The following TENT4B variants were observed in gnomAD, a reference collection of about 807,000 sequenced individuals.
The protein encoded by TENT4B is terminal nucleotidyltransferase 4B, also known as PAP associated domain containing 5.
A neutral mutation model predicts 75.0 loss-of-function variants in TENT4B; 10 were observed. That is an observed-to-expected ratio of 0.13 (90% CI 0.08 to 0.23). TENT4B has a LOEUF of 0.23. Ranked by LOEUF, TENT4B falls within the 10% of genes least tolerant of loss-of-function variation. The probability of loss-of-function intolerance (pLI) is 1.00; values close to 1 mark genes in which losing one functional copy is unlikely to be tolerated. For missense variants in TENT4B, 579 were observed against 893.8 expected, an observed-to-expected ratio of 0.65 and a Z score of 4.49; for synonymous variants, 350 against 357.7, an observed-to-expected ratio of 0.98 and a Z score of 0.24.
intron 1 of TENT4B, among the ~76,000 whole-genome samples, chr16:50,164,698 G>A (rs995973570): frequency 4.6e-5 from 7 of 152,012 alleles, no homozygotes; most frequent in Non-Finnish European, 7.4e-5. Context: ...TCTTCTTTGG[G>A]AGAAGGGCAT....
At chr16:50,217,127 T>C (rs1046062269) in intron 4 of TENT4B, among the ~76,000 whole-genome samples, 2 of 152,186 alleles carry the variant, frequency 1.3e-5, no homozygotes, top group Non-Finnish European at 2.9e-5. Context: ...CTCCAAATTA[T>C]TGAGGAAGGT....
chr16:50,197,299 T>G (rs963704581), intron 1 of TENT4B, among the ~76,000 whole-genome samples: 5 of 152,170 alleles, frequency 3.3e-5, no homozygotes, highest in Non-Finnish European at 7.4e-5. Flanking sequence ...AAATTTAAGT[T>G]TTTTTTGGAG....
Position 50,224,715 on chromosome 16 carries a change from T to C in TENT4B, c.1440T>C (p.Tyr480=), listed in dbSNP as rs1391360733. 6.2e-7 allele frequency: 1 copy of C among 1,613,946 alleles called. No homozygotes were observed. Among genetic ancestry groups the C allele is most frequent in the Non-Finnish European group, 8.5e-7 (1 of 1,179,896 alleles). Residue 480 remains tyrosine (Y), a synonymous_variant, in exon 8 of 12, where the codon TAT becomes TAC. Coordinates refer to ENST00000561678, the MANE Select transcript of TENT4B (RefSeq NM_001365324.3). ...GAMQVKQAFD[Y]AYVVLSHAVS... ...TGCAAGTGAAGCAGGCCTTTGATTA[T>C]GCCTACGTTGTTTTGAGTCATGCTG...
chr16:50,233,859 TGA>T lies in TENT4B; in HGVS notation c.*4536_*4537del. 4.1e-6 allele frequency: 4 copies of T among 985,484 alleles called. No individual in the cohort carries two copies. The highest frequency in any genetic ancestry group is 4.8e-6 in the Non-Finnish European group (4 of 829,938). 61.0% of individuals were successfully genotyped at this position (985,484 alleles called of 1,614,324 possible). A position where few individuals can be genotyped will look rare whatever the true frequency, so the allele number is the denominator to read the frequency against. On this transcript the variant is annotated 3_prime_UTR_variant, in exon 12 of 12. Transcript: ENST00000561678. ...CATTTGTGGTAGCTCCTGGATTTAC[TGA>T]GAGATATTTTAGCTATGTCAATAAG...
chr16:50,170,296 G>C (rs150568827), intron 1 of TENT4B, among the ~76,000 whole-genome samples: 3 of 152,010 alleles, frequency 2.0e-5, no homozygotes, highest in Non-Finnish European at 4.4e-5. Context: ...TGGGATTACA[G>C]GCGTGAGCCA....
intron 1 of TENT4B, among the ~76,000 whole-genome samples, chr16:50,155,270 TGG>T (rs200756619): frequency 7.0e-5 from 9 of 127,688 alleles, no homozygotes; most frequent in Non-Finnish European, 1.1e-4. Context: ...TTGGGTCTCG[TGG>T]GTGTGTGTGT....
intron 10 of TENT4B, among the ~76,000 whole-genome samples, chr16:50,225,896 C>G (rs2032029243): frequency 6.6e-6 from 1 of 151,888 alleles, no homozygotes; most frequent in South Asian, 2.1e-4. Flanking sequence ...GTTGGTCAGG[C>G]TGGTCCTGAA....
At chr16:50,158,983 A>G (rs1312941371) in intron 1 of TENT4B, among the ~76,000 whole-genome samples, 3 of 152,092 alleles carry the variant, frequency 2.0e-5, no homozygotes, top group African/African-American at 7.2e-5. Flanking sequence ...CAGAAGGACT[A>G]TTGGTTTGGG....
chr16:50,173,972 G>A (rs368811412), intron 1 of TENT4B, among the ~76,000 whole-genome samples: 2 of 152,306 alleles, frequency 1.3e-5, no homozygotes, highest in African/African-American at 4.8e-5. Flanking sequence ...GGGATTACAG[G>A]CGTGAGCCAC....
intron 1 of TENT4B, among the ~76,000 whole-genome samples, chr16:50,206,080 A>G (rs986186709): frequency 1.3e-5 from 2 of 152,186 alleles, no homozygotes; most frequent in South Asian, 4.1e-4. Flanking sequence ...GTTGATGGAC[A>G]TTGATATCAT....
Position 50,230,734 on chromosome 16 carries a change from C to T in TENT4B, c.*1406C>T. 1 of 985,668 alleles carries T rather than the reference C, an allele frequency of 1.0e-6. No homozygotes were observed. Among genetic ancestry groups the T allele is most frequent in the Non-Finnish European group, 1.2e-6 (1 of 829,854 alleles). 61.1% of individuals were successfully genotyped at this position (985,668 alleles called of 1,614,324 possible). On this transcript the variant is annotated 3_prime_UTR_variant, in exon 12 of 12. Coordinates refer to ENST00000561678, the MANE Select transcript of TENT4B (RefSeq NM_001365324.3). ...TTTTGGTTGTAGTCAGCTTTGAGTG[C>T]AATGAGATGTATAATTCTGTTATCA...
intron 3 of TENT4B, among the ~76,000 whole-genome samples, chr16:50,215,791 A>G (rs1226521881): frequency 6.6e-6 from 1 of 152,186 alleles, no homozygotes; most frequent in African/African-American, 2.4e-5. Flanking sequence ...AAGAAAATAC[A>G]TGAAGTGCTT....
chr16:50,181,150 A>T (rs1032015102), intron 1 of TENT4B, among the ~76,000 whole-genome samples: 3 of 152,238 alleles, frequency 2.0e-5, no homozygotes, highest in African/African-American at 4.8e-5. Context: ...TTGGTCTTGT[A>T]CAAAAGTGTT....
intron 1 of TENT4B, among the ~76,000 whole-genome samples, chr16:50,164,288 C>G (rs2038058291): frequency 6.8e-6 from 1 of 146,754 alleles, no homozygotes; most frequent in East Asian, 2.0e-4. Context: ...CAGGTGTGAG[C>G]CCATCCTGTT....
upstream of TENT4B, among the ~76,000 whole-genome samples, chr16:50,153,262 G>A (rs2037804111): frequency 7.0e-6 from 1 of 143,224 alleles, no homozygotes. Flanking sequence ...ACGCTACGGA[G>A]CAGGCGCGTC....
intron 1 of TENT4B, among the ~76,000 whole-genome samples, chr16:50,204,366 A>G (rs1433644906): frequency 6.6e-6 from 1 of 152,206 alleles, no homozygotes; most frequent in African/African-American, 2.4e-5. Context: ...CCGTAGATGA[A>G]GAAAGGTGAA....
chr16:50,230,825 A>C lies in TENT4B; in HGVS notation c.*1497A>C. 1 of 985,652 alleles carries C rather than the reference A, an allele frequency of 1.0e-6. No homozygotes were observed. Among genetic ancestry groups the C allele is most frequent in the Non-Finnish European group, 1.2e-6 (1 of 829,744 alleles). The allele number at this position is 985,652 out of a possible 1,614,324, so 61.1% of individuals were successfully genotyped here. On this transcript the variant is annotated 3_prime_UTR_variant, in exon 12 of 12. Transcript: ENST00000561678. ...TAATAGAATGTAAGTGACATTTCTG[A>C]AAATGCTTTCTTTCAGGGTGAAAGC...
At chr16:50,223,115 C>G in intron 6 of TENT4B, 59 bp from the exon 7 acceptor site, 1 of 1,310,198 alleles carries the variant, frequency 7.6e-7, no homozygotes, top group South Asian at 1.4e-5. Context: ...ATAATTTATT[C>G]CCCCTCTCCT....
At chr16:50,223,534 T>C (rs1328173349) in intron 7 of TENT4B, 147 bp downstream of exon 7, 1 of 630,246 alleles carries the variant, frequency 1.6e-6, no homozygotes, top group African/African-American at 1.8e-5. Flanking sequence ...TGAGCAAACA[T>C]ACTAAAATAA....
Sources: gnomAD v4.1 joint callset for allele counts (sites outside exome capture counted in the v4.1 genomes callset) on GRCh38, gnomAD v4.1.1 for gene constraint, MANE v1.5 for transcripts, NCBI Gene and HGNC (gene_info 2026-07-23, HGNC 2026-07-21) for gene names.